The following MALRD1 variants were observed in gnomAD, a reference collection of about 807,000 sequenced individuals.
The protein encoded by MALRD1 is MAM and LDL-receptor class A domain-containing protein 1.
In MALRD1, 247 loss-of-function variants were observed where a neutral mutation model predicts 242.1. That is an observed-to-expected ratio of 1.02 (90% confidence interval 0.92 to 1.13). MALRD1 has a LOEUF of 1.13. Among genes scored for constraint, MALRD1 ranks in the 50% most tolerant of loss-of-function variants. MALRD1 has a pLI of 0.00. For missense variants in MALRD1, 2,989 were observed against 2,533.1 expected (o/e 1.18, Z -3.86); for synonymous variants, 995 against 866.6 (o/e 1.15, Z -2.60).
At chr10:19,348,943 T>G (rs1490974128) in intron 25 of MALRD1, among the ~76,000 whole-genome samples, 1 of 152,096 alleles carries the variant, frequency 6.6e-6, no homozygotes, top group Non-Finnish European at 1.5e-5. Context: ...GCAAACAAAT[T>G]ACATCCAGAA....
chr10:19,410,679 C>CTTTTTTTTTT (rs58147034), intron 28 of MALRD1, among the ~76,000 whole-genome samples: 2 of 132,916 alleles, frequency 1.5e-5, no homozygotes, highest in African/African-American at 2.8e-5. Flanking sequence ...TCCTTCCTTC[C>CTTTTTTTTTT]TTTTTTTTTT....
chr10:19,568,235 T>TC (rs796847448), intron 33 of MALRD1, among the ~76,000 whole-genome samples: 3 of 152,140 alleles, frequency 2.0e-5, no homozygotes, highest in African/African-American at 4.8e-5. Context: ...TTTAAGATGT[T>TC]CCCCCCCTAA....
rs1267427495 is a variant in MALRD1 at position 19,498,577 on chromosome 10, G to A, written c.5251G>A (p.Asp1751Asn). Residue 1751 changes from aspartate (D) to asparagine (N), a missense_variant, in exon 31 of 40, where the codon GAC (aspartate) becomes AAC (asparagine). Transcript: ENST00000454679. Reference sequence around the variant, plus strand: ...CAGTCTTACTCAAGACTCTGAGGATGACTTGGACTGGGCCATTGGCAGCAG... The same window carrying A: ...CAGTCTTACTCAAGACTCTGAGGATAACTTGGACTGGGCCATTGGCAGCAG... ...ACSLTQDSEDDLDWAIGSRIP... is the reference protein window; with the variant it reads ...ACSLTQDSEDNLDWAIGSRIP... The A allele has an allele frequency of 2.6e-6, 4 of 1,550,290 alleles. No individual in the cohort carries two copies. Among genetic ancestry groups the A allele is most frequent in the Non-Finnish European group, 3.5e-6 (4 of 1,146,828 alleles).
intron 33 of MALRD1, among the ~76,000 whole-genome samples, chr10:19,588,049 T>G (rs571882136): frequency 2.0e-5 from 3 of 152,178 alleles, no homozygotes; most frequent in South Asian, 2.1e-4. Context: ...TAAAATCACA[T>G]AAAACTTCTG....
In MALRD1 at chr10:19,682,518, G is replaced by T. The variant is rs553075849; in HGVS notation, c.6138-9764G>T. The stretch of plus-strand genomic sequence containing the variant: ...CAGGCTCTTATGCATGAATGGAGCG[G>T]GATGTTTATCTCTCTCTTTCAGGTG... On this transcript the variant is annotated intron_variant, in intron 36 of 39. Transcript: ENST00000454679. 5.9e-5 allele frequency among the ~76,000 whole-genome samples: 9 copies of T among 152,198 alleles called. No individual in the cohort carries two copies. In the South Asian group the frequency reaches 1.9e-3, roughly 32 times the overall value.
At chr10:19,177,291 A>G (rs1411271959) in intron 14 of MALRD1, among the ~76,000 whole-genome samples, 2 of 151,978 alleles carry the variant, frequency 1.3e-5, no homozygotes, top group African/African-American at 4.8e-5. Context: ...AAAAAAAAAA[A>G]AAAGATTCAC....
chr10:19,326,798 T>A (rs535676902), intron 22 of MALRD1, among the ~76,000 whole-genome samples: 1 of 150,210 alleles, frequency 6.7e-6, no homozygotes, highest in Non-Finnish European at 1.5e-5. Context: ...TTTATCTGAA[T>A]AATTGTTTGG....
At chr10:19,412,305 A>G (rs897875311) in intron 28 of MALRD1, among the ~76,000 whole-genome samples, 2 of 152,168 alleles carry the variant, frequency 1.3e-5, no homozygotes, top group African/African-American at 4.8e-5. Flanking sequence ...ACATAAATAC[A>G]AGTTTATAAT....
intron 38 of MALRD1, among the ~76,000 whole-genome samples, chr10:19,700,021 G>GACGC (rs1281446909): frequency 7.1e-6 from 1 of 141,190 alleles, no homozygotes; most frequent in African/African-American, 2.6e-5. Context: ...AATTGATTTA[G>GACGC]ACACACACAC....
chr10:19,705,821 C>T (rs1480802615), intron 38 of MALRD1, among the ~76,000 whole-genome samples: 2 of 61,712 alleles, frequency 3.2e-5, no homozygotes, highest in East Asian at 1.1e-3. Context: ...AAAAAAAAGC[C>T]CACAAGAGAG....
chr10:19,068,227 C>G (rs1007351143), intron 2 of MALRD1, among the ~76,000 whole-genome samples: 1 of 152,020 alleles, frequency 6.6e-6, no homozygotes, highest in African/African-American at 2.4e-5. Flanking sequence ...TTGCTTGCCT[C>G]CTTACTGTGG....
chr10:19,071,176 T>C (rs941722715), intron 2 of MALRD1, among the ~76,000 whole-genome samples: 1 of 152,040 alleles, frequency 6.6e-6, no homozygotes. Context: ...TTGCATGCTG[T>C]GGGCAGCAGT....
chr10:19,475,094 A>G (rs1471650429), intron 29 of MALRD1, among the ~76,000 whole-genome samples: 1 of 152,250 alleles, frequency 6.6e-6, no homozygotes, highest in Non-Finnish European at 1.5e-5. Context: ...ATTTTGCTGA[A>G]GGATTTTAAG....
intron 21 of MALRD1, among the ~76,000 whole-genome samples, chr10:19,283,537 C>T (rs1483898571): frequency 6.6e-6 from 1 of 152,048 alleles, no homozygotes; most frequent in African/African-American, 2.4e-5. Flanking sequence ...ACCACCTCCT[C>T]CTCCCATTTC....
intron 35 of MALRD1, among the ~76,000 whole-genome samples, chr10:19,608,818 CA>C (rs1950255521): frequency 6.6e-6 from 1 of 151,872 alleles, no homozygotes; most frequent in Non-Finnish European, 1.5e-5. Flanking sequence ...AGTACAAAAG[CA>C]AATGAAAAAG....
At chr10:19,692,393 G>A in intron 37 of MALRD1, 32 bp downstream of exon 37, 1 of 1,531,480 alleles carries the variant, frequency 6.5e-7, no homozygotes, top group Middle Eastern at 1.7e-4. Flanking sequence ...TAAATGGCTT[G>A]GTTTGGGGTG....
intron 29 of MALRD1, among the ~76,000 whole-genome samples, chr10:19,483,058 A>G (rs1165211041): frequency 6.6e-6 from 1 of 152,154 alleles, no homozygotes; most frequent in East Asian, 1.9e-4. Context: ...ATAAGGCTAC[A>G]TTAACCAAAA....
At chr10:19,719,213 C>CATATATATATATATAT (rs1351273405) in intron 38 of MALRD1, among the ~76,000 whole-genome samples, 3 of 85,436 alleles carry the variant, frequency 3.5e-5, no homozygotes, top group Admixed American at 1.5e-4. Flanking sequence ...TATATATATA[C>CATATATATATATATAT]ACATACATAC....
rs547227602 is a variant in MALRD1, at chr10:19,157,521, A to G, written c.1656+2349A>G. 2.0e-5 allele frequency among the ~76,000 whole-genome samples: 3 copies of G among 152,250 alleles called. No individual in the cohort carries two copies. In the East Asian group the frequency reaches 5.8e-4, roughly 30 times the overall value. On this transcript the variant is annotated intron_variant, in intron 12 of 39. Transcript: ENST00000454679. ...CTTGGCCTCCCAAAGTGCTGGGATT[A>G]CAGGCGTGAGCCACCGCACCCAGTC...
Sources: allele counts gnomAD v4.1 joint callset (sites outside exome capture counted in the v4.1 genomes callset), GRCh38; gene constraint gnomAD v4.1.1; transcripts MANE v1.5; gene names NCBI Gene and HGNC (gene_info 2026-07-23, HGNC 2026-07-21).